The following PRKCE variants were observed in gnomAD, a reference collection of about 807,000 sequenced individuals.
The protein encoded by PRKCE is protein kinase C epsilon, also known as protein kinase C epsilon type.
Under a neutral mutation model 85.4 loss-of-function variants are expected in PRKCE, and 16 were observed. That is an observed-to-expected ratio of 0.19 (90% confidence interval 0.13 to 0.28). The LOEUF is 0.28. Ranked by LOEUF, PRKCE falls within the 10% of genes least tolerant of loss-of-function variation. PRKCE has a pLI of 1.00. For missense variants in PRKCE, 573 were observed against 975.2 expected (o/e 0.59, Z 5.49); for synonymous variants, 388 against 371.5 (o/e 1.04, Z -0.51).
chr2:46,019,997 G>T (rs988549191), intron 10 of PRKCE, among the ~76,000 whole-genome samples: 2 of 151,770 alleles, frequency 1.3e-5, no homozygotes, highest in Non-Finnish European at 2.9e-5. Context: ...TTACAGGCAC[G>T]CACCACCAGG....
intron 1 of PRKCE, among the ~76,000 whole-genome samples, chr2:45,763,907 G>C (rs1166734619): frequency 1.3e-5 from 2 of 152,174 alleles, no homozygotes; most frequent in Admixed American, 6.5e-5. Context: ...TTTCTTGTAT[G>C]CCTGCAGTTT....
intron 1 of PRKCE, among the ~76,000 whole-genome samples, chr2:45,806,771 C>T (rs1035181169): frequency 6.6e-6 from 1 of 152,048 alleles, no homozygotes; most frequent in African/African-American, 2.4e-5. Context: ...GAGGGAGGAC[C>T]CCGGGGTGGG....
intron 1 of PRKCE, among the ~76,000 whole-genome samples, chr2:45,783,001 C>G (rs1169508527): frequency 6.6e-6 from 1 of 152,166 alleles, no homozygotes; most frequent in Non-Finnish European, 1.5e-5. Context: ...GAATTTTGCT[C>G]TTACAGTTTC....
intron 10 of PRKCE, among the ~76,000 whole-genome samples, chr2:46,069,183 G>A (rs1342226979): frequency 6.6e-6 from 1 of 152,154 alleles, no homozygotes; most frequent in African/African-American, 2.4e-5. Context: ...ACAGACCAGG[G>A]CATTTCAGAG....
At chr2:45,682,073 A>G (rs952356189) in intron 1 of PRKCE, among the ~76,000 whole-genome samples, 1 of 152,246 alleles carries the variant, frequency 6.6e-6, no homozygotes, top group Admixed American at 6.5e-5. Context: ...TTATTAAAAT[A>G]TAAGTGTTGT....
At chr2:45,661,627 C>A (rs1675663724) in intron 1 of PRKCE, among the ~76,000 whole-genome samples, 1 of 142,260 alleles carries the variant, frequency 7.0e-6, no homozygotes, top group South Asian at 2.3e-4. Context: ...CTCCCGGGTT[C>A]ACACCATTCT....
intron 14 of PRKCE, among the ~76,000 whole-genome samples, chr2:46,173,823 C>G (rs1283580048): frequency 1.3e-5 from 2 of 152,230 alleles, no homozygotes; most frequent in Non-Finnish European, 2.9e-5. Context: ...CCTTTGATCT[C>G]TATTTGCTGA....
At chr2:45,977,588 G>T (rs961646791) in intron 3 of PRKCE, among the ~76,000 whole-genome samples, 1 of 151,262 alleles carries the variant, frequency 6.6e-6, no homozygotes, top group Non-Finnish European at 1.5e-5. Context: ...AGTGAGCCGA[G>T]ATCGCTATAC....
chr2:46,106,440 A>G (rs1671725288), intron 11 of PRKCE, among the ~76,000 whole-genome samples: 1 of 152,260 alleles, frequency 6.6e-6, no homozygotes, highest in Non-Finnish European at 1.5e-5. Context: ...CAACTAGAGT[A>G]CTGCAATAGT....
At chr2:45,870,190 C>G (rs1195475787) in intron 2 of PRKCE, among the ~76,000 whole-genome samples, 1 of 152,180 alleles carries the variant, frequency 6.6e-6, no homozygotes, top group African/African-American at 2.4e-5. Flanking sequence ...AAGTATTACT[C>G]TACTCACTCT....
chr2:46,085,065 C>G (rs1273632654), intron 10 of PRKCE, among the ~76,000 whole-genome samples: 2 of 152,158 alleles, frequency 1.3e-5, no homozygotes, highest in Non-Finnish European at 2.9e-5. Context: ...CTCCCCAGGA[C>G]AGCAATGGCT....
chr2:45,919,799 G>C (rs138665344), intron 2 of PRKCE, among the ~76,000 whole-genome samples: 1 of 152,350 alleles, frequency 6.6e-6, no homozygotes, highest in East Asian at 1.9e-4. Flanking sequence ...AGTCCCTTCT[G>C]CTGAGTGAAA....
In PRKCE at chr2:45,812,640, G is replaced by A. The variant is rs558270962; in HGVS notation, c.349-30360G>A. 4.5e-4 allele frequency among the ~76,000 whole-genome samples: 69 copies of A among 152,296 alleles called. 1 individual carries two copies. The highest frequency in any genetic ancestry group is 1.5e-3 in the African/African-American group (62 of 41,552). On this transcript the variant is annotated intron_variant, in intron 1 of 14. Transcript: ENST00000306156. ...CTAACAGACGTAAAACACTTATTAC[G>A]CCCGTGCCTGGCCCATAGTATTAGT...
chr2:46,005,310 GGAGGGACTTACACTT>G (rs1179139101), intron 8 of PRKCE, among the ~76,000 whole-genome samples: 1 of 152,148 alleles, frequency 6.6e-6, no homozygotes, highest in Non-Finnish European at 1.5e-5. Context: ...ATGAGGCTGA[GGAGGGACTTACACTT>G]GCAAAACCTC....
At chr2:45,926,120 A>G (rs999743835) in intron 2 of PRKCE, among the ~76,000 whole-genome samples, 18 of 152,246 alleles carry the variant, frequency 1.2e-4, no homozygotes, top group African/African-American at 4.3e-4. Context: ...CTTGTGAAGT[A>G]TAAATAACTC....
At chr2:45,975,408 G>A (rs1298798196) in intron 2 of PRKCE, among the ~76,000 whole-genome samples, 2 of 152,166 alleles carry the variant, frequency 1.3e-5, no homozygotes, top group Non-Finnish European at 2.9e-5. Context: ...AGATCAGGGA[G>A]CCAGTATGGG....
chr2:46,072,011 T>G (rs1313188671), intron 10 of PRKCE, among the ~76,000 whole-genome samples: 1 of 152,174 alleles, frequency 6.6e-6, no homozygotes, highest in Admixed American at 6.5e-5. Flanking sequence ...AGCACAACAA[T>G]GGTTCAACAA....
At chr2:45,738,609 G>A (rs1682283566) in intron 1 of PRKCE, among the ~76,000 whole-genome samples, 3 of 152,166 alleles carry the variant, frequency 2.0e-5, no homozygotes, top group Admixed American at 6.5e-5. Context: ...AGCCTTGTAC[G>A]TTGTTCTCAG....
intron 1 of PRKCE, among the ~76,000 whole-genome samples, chr2:45,762,241 G>C (rs1035329497): frequency 3.3e-5 from 5 of 152,234 alleles, no homozygotes; most frequent in African/African-American, 1.2e-4. Context: ...TGGCCACCAG[G>C]ATCAGTAAGC....
Sources: allele counts gnomAD v4.1 joint callset (sites outside exome capture counted in the v4.1 genomes callset), GRCh38; gene constraint gnomAD v4.1.1; transcripts MANE v1.5; gene names NCBI Gene and HGNC (gene_info 2026-07-23, HGNC 2026-07-21).